UNC13C: variants seen among roughly 807,000 people sequenced by gnomAD.
The protein encoded by UNC13C is protein unc-13 homolog C.
Under a neutral mutation model 245.4 loss-of-function variants are expected in UNC13C, and 174 were observed. That is an observed-to-expected ratio of 0.71 (90% CI 0.63 to 0.80). The LOEUF (loss-of-function observed/expected upper bound fraction) is 0.80. Among genes scored for constraint, UNC13C ranks in the 30% least tolerant of loss-of-function variants. The probability of loss-of-function intolerance (pLI) is 0.00; values close to 1 mark genes in which losing one functional copy is unlikely to be tolerated. For synonymous variants in UNC13C, 992 were observed against 895.1 expected, an observed-to-expected ratio of 1.11 and a Z score of -1.93; for missense variants, 2,829 against 2,602.9, an observed-to-expected ratio of 1.09 and a Z score of -1.89.
At chr15:54,506,731 G>T (rs913803678) in intron 22 of UNC13C, among the ~76,000 whole-genome samples, 1 of 151,940 alleles carries the variant, frequency 6.6e-6, no homozygotes, top group Non-Finnish European at 1.5e-5. Flanking sequence ...GTACAAATAA[G>T]AAAATAAAAG....
chr15:54,352,353 T>C lies in UNC13C; in HGVS notation c.4713+13864T>C, dbSNP rs114334511. 2.6e-3 allele frequency among the ~76,000 whole-genome samples: 347 copies of C among 133,542 alleles called. 1 individual carries two copies. Among genetic ancestry groups the C allele is most frequent in the African/African-American group, 8.7e-3 (337 of 38,790 alleles). The allele number at this position is 133,542 out of a possible 152,430, so 87.6% of individuals were successfully genotyped here. On this transcript the variant is annotated intron_variant, in intron 17 of 32. Coordinates refer to ENST00000260323, the MANE Select transcript of UNC13C (RefSeq NM_001080534.3). ...AATTATATAAATGTATATATATATA[T>C]AGAGAGAGAGAGAGTGAGTCAGGTT... is the stretch of plus-strand genomic sequence containing the variant.
intron 19 of UNC13C, among the ~76,000 whole-genome samples, chr15:54,461,446 G>A (rs1475343594): frequency 6.6e-6 from 1 of 152,012 alleles, no homozygotes; most frequent in African/African-American, 2.4e-5. Context: ...TGTATTTATG[G>A]TTTCTTTTAG....
chr15:54,378,020 C>T (rs956769743), intron 17 of UNC13C, among the ~76,000 whole-genome samples: 1 of 151,756 alleles, frequency 6.6e-6, no homozygotes, highest in Non-Finnish European at 1.5e-5. Flanking sequence ...TTTTTTGGTA[C>T]AGCATTCCCT....
chr15:54,076,905 T>C (rs908871856), intron 2 of UNC13C, among the ~76,000 whole-genome samples: 1 of 152,258 alleles, frequency 6.6e-6, no homozygotes, highest in Non-Finnish European at 1.5e-5. Context: ...GAGAAATTAT[T>C]ATAAAAATCC....
chr15:54,413,300 A>G (rs1037632930), intron 18 of UNC13C, among the ~76,000 whole-genome samples: 5 of 151,912 alleles, frequency 3.3e-5, no homozygotes, highest in Admixed American at 1.3e-4. Context: ...AGTTAACATA[A>G]TCTTATTCTT....
chr15:53,865,798 T>G, the UNC13C span, among the ~76,000 whole-genome samples: 1 of 152,148 alleles, frequency 6.6e-6, no homozygotes, highest in Non-Finnish European at 1.5e-5. Context: ...TTTATATTTA[T>G]TTTATTTTGA....
At chr15:54,079,469 G>T (rs548882733) in intron 2 of UNC13C, among the ~76,000 whole-genome samples, 1 of 152,008 alleles carries the variant, frequency 6.6e-6, no homozygotes, top group East Asian at 1.9e-4. Flanking sequence ...GCACTTGTTT[G>T]TATCACTTAT....
rs146207589 is a variant in UNC13C at position 54,494,421 on chromosome 15, A to G, written c.4934-187A>G. ...TTTGCATTACTGCTTGACCTATTCT[A>G]TGTGGGACTTATAATTATTTCTGCA... On this transcript the variant is annotated intron_variant, in intron 19 of 32. Transcript: ENST00000260323. 1.7e-3 allele frequency among the ~76,000 whole-genome samples: 257 copies of G among 152,070 alleles called. 1 individual carries two copies. The highest frequency in any genetic ancestry group is 5.5e-3 in the African/African-American group (228 of 41,542).
At chr15:53,860,210 A>T in the UNC13C span, among the ~76,000 whole-genome samples, 6 of 152,212 alleles carry the variant, frequency 3.9e-5, no homozygotes, top group African/African-American at 1.4e-4. Context: ...TTACTTTAAT[A>T]ATTTATTGAG....
At chr15:54,118,320 AT>A (rs1322917849) in intron 2 of UNC13C, among the ~76,000 whole-genome samples, 12 of 151,582 alleles carry the variant, frequency 7.9e-5, no homozygotes, top group African/African-American at 2.2e-4. Context: ...GTCCTCTTCA[AT>A]TTTTTTTCAT....
chr15:53,878,575 C>T, the UNC13C span, among the ~76,000 whole-genome samples: 1 of 152,152 alleles, frequency 6.6e-6, no homozygotes, highest in Non-Finnish European at 1.5e-5. Flanking sequence ...TGTCGTCCTG[C>T]TGATGAGATC....
chr15:53,962,805 C>A, the UNC13C span, among the ~76,000 whole-genome samples: 1 of 152,158 alleles, frequency 6.6e-6, no homozygotes, highest in African/African-American at 2.4e-5. Flanking sequence ...TAAGCCTCTG[C>A]TCTAATTAAT....
the UNC13C span, among the ~76,000 whole-genome samples, chr15:53,876,916 GAGAT>G: frequency 5.3e-5 from 8 of 152,162 alleles, no homozygotes; most frequent in African/African-American, 1.7e-4. Flanking sequence ...GATGTCTAGT[GAGAT>G]AGATAGATAG....
chr15:54,524,278 G>GTTAATTTTCTCACTCT (rs1895351205), intron 24 of UNC13C, among the ~76,000 whole-genome samples: 1 of 149,886 alleles, frequency 6.7e-6, no homozygotes, highest in African/African-American at 2.5e-5. Flanking sequence ...ATCTGTTATG[G>GTTAATTTTCTCACTCT]TAGCCTGTGT....
intron 4 of UNC13C, among the ~76,000 whole-genome samples, chr15:54,164,342 G>A (rs2033089060): frequency 6.6e-6 from 1 of 151,982 alleles, no homozygotes; most frequent in African/African-American, 2.4e-5. Flanking sequence ...CATAAAATTT[G>A]GCTTAAATGT....
intron 2 of UNC13C, among the ~76,000 whole-genome samples, chr15:54,105,124 A>T (rs1900371583): frequency 6.6e-6 from 1 of 152,182 alleles, no homozygotes; most frequent in Non-Finnish European, 1.5e-5. Context: ...TAGTTCTTAT[A>T]CAGGATTTTA....
intron 29 of UNC13C, among the ~76,000 whole-genome samples, chr15:54,556,447 G>T (rs1363635782): frequency 6.6e-6 from 1 of 151,984 alleles, no homozygotes; most frequent in Admixed American, 6.6e-5. Context: ...TTTAATATGA[G>T]GCAGTCTTTT....
intron 2 of UNC13C, among the ~76,000 whole-genome samples, chr15:54,106,802 A>G (rs577039805): frequency 5.9e-5 from 9 of 152,232 alleles, no homozygotes; most frequent in Non-Finnish European, 1.3e-4. Flanking sequence ...CAACTAGACA[A>G]TAGTGAACAC....
chr15:54,628,318 T>TAAC lies in UNC13C; in HGVS notation c.*1206_*1208dup, dbSNP rs1213932424. On this transcript the variant is annotated 3_prime_UTR_variant, in exon 33 of 33. Coordinates refer to ENST00000260323, the MANE Select transcript of UNC13C (RefSeq NM_001080534.3). ...GCTGTAAAACAGTACTTTGTAATTA[T>TAAC]AACTTATGGTCATAACTGTTAGTGG... 6.6e-6 allele frequency: 1 copy of TAAC among 152,376 alleles called. No individual in the cohort carries two copies. Among genetic ancestry groups the TAAC allele is most frequent in the Admixed American group, 6.6e-5 (1 of 15,262 alleles). 9.4% of individuals were successfully genotyped at this position (152,376 alleles called of 1,614,324 possible). A position where few individuals can be genotyped will look rare whatever the true frequency, so the allele number is the denominator to read the frequency against.
Sources: gnomAD v4.1 joint callset for allele counts (sites outside exome capture counted in the v4.1 genomes callset) on GRCh38, gnomAD v4.1.1 for gene constraint, MANE v1.5 for transcripts, NCBI Gene and HGNC (gene_info 2026-07-23, HGNC 2026-07-21) for gene names.